MYT1L: variants seen among roughly 807,000 people sequenced by gnomAD.
The protein encoded by MYT1L is myelin transcription factor 1 like, also known as myelin transcription factor 1-like protein.
A neutral mutation model predicts 126.7 loss-of-function variants in MYT1L; 12 were observed. The ratio of observed to expected loss-of-function variants is 0.09; its 90% CI spans 0.06 to 0.15. MYT1L has a LOEUF of 0.15. MYT1L is among the 10% of genes least tolerant of loss of function. The pLI, the probability that MYT1L is intolerant of heterozygous loss-of-function variation, is 1.00. For synonymous variants in MYT1L, 541 were observed against 604.2 expected, an observed-to-expected ratio of 0.90 and a Z score of 1.53; for missense variants, 979 against 1,585.2, an observed-to-expected ratio of 0.62 and a Z score of 6.49.
At chr2:2,201,706 A>C in intron 2 of MYT1L, among the ~76,000 whole-genome samples, 1 of 152,114 alleles carries the variant, frequency 6.6e-6, no homozygotes, top group East Asian at 1.9e-4. Context: ...TCAAAAAAAA[A>C]AAAAAATCGT....
intron 21 of MYT1L, among the ~76,000 whole-genome samples, chr2:1,822,979 G>A (rs1171340607): frequency 2.6e-5 from 4 of 152,146 alleles, no homozygotes; most frequent in African/African-American, 9.7e-5. Flanking sequence ...TCACTGCTGT[G>A]GCTTGGCTGT....
At chr2:2,178,165 T>G (rs1559239726) in intron 2 of MYT1L, among the ~76,000 whole-genome samples, 1 of 152,082 alleles carries the variant, frequency 6.6e-6, no homozygotes, top group South Asian at 2.1e-4. Flanking sequence ...ACTGAAAAAT[T>G]TAATGATTTA....
intron 8 of MYT1L, among the ~76,000 whole-genome samples, chr2:1,956,633 TATCTAG>T: frequency 6.6e-6 from 1 of 151,692 alleles, no homozygotes; most frequent in Non-Finnish European, 1.5e-5. Context: ...CCTACCTACC[TATCTAG>T]CTATCTATTT....
chr2:2,100,842 C>T (rs1575159727), intron 3 of MYT1L, among the ~76,000 whole-genome samples: 1 of 152,212 alleles, frequency 6.6e-6, no homozygotes, highest in South Asian at 2.1e-4. Context: ...CTTCTATCTC[C>T]ACATTGAAAC....
rs141545843 is a variant in MYT1L, at chr2:2,063,439, C to T, written c.-303-9316G>A. Among the ~76,000 whole-genome samples, 140 of 152,196 alleles carry T rather than the reference C, an allele frequency of 9.2e-4. No homozygotes were observed. In the East Asian group the frequency reaches 0.016, roughly 17 times the overall value. On this transcript the variant is annotated intron_variant, in intron 3 of 24. Transcript: ENST00000647738. ...ACATGGGCGGGGCCTTCTGACCTGT[C>T]GGGGGTCTTTGTGTGCTTTGCCTCC...
intron 8 of MYT1L, among the ~76,000 whole-genome samples, chr2:1,951,557 A>G (rs2057753843): frequency 6.6e-6 from 1 of 152,250 alleles, no homozygotes; most frequent in South Asian, 2.1e-4. Context: ...AACAGCAACC[A>G]GAGCCACGTA....
chr2:2,176,217 T>A (rs933701376), intron 2 of MYT1L, among the ~76,000 whole-genome samples: 2 of 152,066 alleles, frequency 1.3e-5, no homozygotes, highest in Admixed American at 6.6e-5. Flanking sequence ...AAATATATAA[T>A]CAAATAATTA....
At chr2:2,169,714 A>C (rs2089721024) in intron 3 of MYT1L, among the ~76,000 whole-genome samples, 1 of 151,798 alleles carries the variant, frequency 6.6e-6, no homozygotes, top group South Asian at 2.1e-4. Flanking sequence ...ATCCCACCCC[A>C]CCCGGTTGTG....
intron 8 of MYT1L, among the ~76,000 whole-genome samples, chr2:1,972,258 C>A (rs967289733): frequency 6.6e-6 from 1 of 152,148 alleles, no homozygotes; most frequent in Non-Finnish European, 1.5e-5. Flanking sequence ...TCCACGCACC[C>A]AAGTGGATCT....
intron 2 of MYT1L, among the ~76,000 whole-genome samples, chr2:2,185,386 G>C (rs1237614052): frequency 6.6e-6 from 1 of 152,226 alleles, no homozygotes; most frequent in African/African-American, 2.4e-5. Context: ...ACCACAAATT[G>C]TGTGGCGTGC....
At chr2:2,198,819 C>G (rs2148808590) in intron 2 of MYT1L, among the ~76,000 whole-genome samples, 1 of 152,172 alleles carries the variant, frequency 6.6e-6, no homozygotes, top group South Asian at 2.1e-4. Flanking sequence ...GCACTCCAGC[C>G]TGGGCGACAG....
intron 18 of MYT1L, among the ~76,000 whole-genome samples, chr2:1,874,347 CAG>C (rs149822556): frequency 0.29 from 43,336 of 151,968 alleles, 7,540 homozygotes; most frequent in African/African-American, 0.49. Flanking sequence ...GCTAATGTAA[CAG>C]GGGGAAAAGT....
At chr2:2,319,524 A>G (rs922780906) in intron 1 of MYT1L, 2 of 152,144 alleles carry the variant, frequency 1.3e-5, no homozygotes, top group African/African-American at 4.8e-5. Context: ...AAGTCAATAC[A>G]CTGAAATCAT....
intron 2 of MYT1L, among the ~76,000 whole-genome samples, chr2:2,182,915 G>A (rs1482973767): frequency 1.3e-5 from 2 of 152,164 alleles, no homozygotes; most frequent in Non-Finnish European, 1.5e-5. Flanking sequence ...GGAGGTCATC[G>A]CTTCTCCTCT....
At chr2:1,983,724 T>G (rs573533549) in intron 5 of MYT1L, among the ~76,000 whole-genome samples, 1 of 152,348 alleles carries the variant, frequency 6.6e-6, no homozygotes, top group African/African-American at 2.4e-5. Context: ...TCATTTGAAT[T>G]CATTCTTCTG....
chr2:1,886,734 A>C, intron 17 of MYT1L, 127 bp from the exon 18 acceptor site: 1 of 458,572 alleles, frequency 2.2e-6, no homozygotes, highest in Non-Finnish European at 3.7e-6. Context: ...CTGTATATTG[A>C]ATTTTTTTTT....
intron 11 of MYT1L, among the ~76,000 whole-genome samples, chr2:1,913,091 C>A (rs143342009): frequency 4.9e-4 from 74 of 152,284 alleles, no homozygotes; most frequent in African/African-American, 1.7e-3. Context: ...ACAGATCTGC[C>A]TACTCTAGTT....
rs2031988202 is a variant in MYT1L, at chr2:1,790,991, C to T, written c.*876G>A. 1 of 292,590 alleles carries T rather than the reference C, an allele frequency of 3.4e-6. No homozygotes were observed. The highest frequency in any genetic ancestry group is 6.8e-6 in the Non-Finnish European group (1 of 147,272). 18.1% of individuals were successfully genotyped at this position (292,590 alleles called of 1,614,324 possible). On this transcript the variant is annotated 3_prime_UTR_variant, in exon 25 of 25. Coordinates refer to ENST00000647738, the MANE Select transcript of MYT1L (RefSeq NM_001303052.2). ...CTAGGGGAGATACGAGAAGGTTGTT[C>T]CAAAGTTTATTGAAAATGGAAAAGG...
At chr2:1,820,681 T>G (rs1189034698) in intron 21 of MYT1L, among the ~76,000 whole-genome samples, 1 of 152,068 alleles carries the variant, frequency 6.6e-6, no homozygotes, top group Non-Finnish European at 1.5e-5. Flanking sequence ...CAAATAGCTA[T>G]GACCACAGCC....
Sources: gnomAD v4.1 joint callset for allele counts (sites outside exome capture counted in the v4.1 genomes callset) on GRCh38, gnomAD v4.1.1 for gene constraint, MANE v1.5 for transcripts, NCBI Gene and HGNC (gene_info 2026-07-23, HGNC 2026-07-21) for gene names.